RANBP3L: variants seen among roughly 807,000 people sequenced by gnomAD.
The protein encoded by RANBP3L is ran-binding protein 3-like.
Under a neutral mutation model 67.2 loss-of-function variants are expected in RANBP3L, and 56 were observed. That is an observed-to-expected ratio of 0.83 (90% CI 0.67 to 1.04). RANBP3L has a LOEUF of 1.04. Among genes scored for constraint, RANBP3L ranks in the 50% least tolerant of loss-of-function variants. The probability of loss-of-function intolerance (pLI) is 0.00; values close to 1 mark genes in which losing one functional copy is unlikely to be tolerated. For missense variants in RANBP3L, 496 were observed against 535.5 expected, an observed-to-expected ratio of 0.93 and a Z score of 0.73; for synonymous variants, 164 against 181.4, an observed-to-expected ratio of 0.90 and a Z score of 0.77.
At chr5:36,258,339 A>G (rs1749141252) in intron 8 of RANBP3L, among the ~76,000 whole-genome samples, 1 of 152,192 alleles carries the variant, frequency 6.6e-6, no homozygotes, top group African/African-American at 2.4e-5. Context: ...TTTTTCCCTT[A>G]TGAACTGAAA....
chr5:36,263,945 T>A (rs1343155658), intron 6 of RANBP3L, among the ~76,000 whole-genome samples: 1 of 152,256 alleles, frequency 6.6e-6, no homozygotes, highest in Non-Finnish European at 1.5e-5. Context: ...ACTTAAAAAT[T>A]ACTTATATAG....
At position 36,301,666 on chromosome 5, in the gene RANBP3L, T is replaced by C. The variant is rs148009965; in HGVS notation, c.-250A>G. The C allele has an allele frequency of 1.6e-4, 64 of 409,390 alleles. No individual in the cohort carries two copies. Among genetic ancestry groups the C allele is most frequent in the African/African-American group, 1.2e-3 (63 of 50,802 alleles). The allele number at this position is 409,390 out of a possible 1,614,324, so 25.4% of individuals were successfully genotyped here. On this transcript the variant is annotated 5_prime_UTR_variant, in exon 1 of 14. Transcript: ENST00000296604. The stretch of plus-strand genomic sequence containing the variant: ...AATTCATTTGGTTAAAAACACAACT[T>C]AATTCCTTCATTTCAAAACAAATTG...
chr5:36,273,370 G>T (rs2111926250), intron 1 of RANBP3L, among the ~76,000 whole-genome samples: 1 of 152,262 alleles, frequency 6.6e-6, no homozygotes, highest in African/African-American at 2.4e-5. Context: ...CTTGCAGCTT[G>T]GAGGGCATAT....
At chr5:36,257,757 A>G (rs1749095231) in intron 8 of RANBP3L, among the ~76,000 whole-genome samples, 2 of 152,112 alleles carry the variant, frequency 1.3e-5, no homozygotes, top group Admixed American at 6.6e-5. Flanking sequence ...ATCCTCAGAA[A>G]ACATAATCTA....
intron 3 of RANBP3L, 56 bp from the exon 4 acceptor site, chr5:36,269,523 A>G: frequency 4.9e-6 from 5 of 1,010,836 alleles, no homozygotes; most frequent in Non-Finnish European, 7.9e-6. Flanking sequence ...ATTATCCTCA[A>G]CTCATGATAG....
chr5:36,257,608 T>A, intron 8 of RANBP3L, 52 bp from the exon 9 acceptor site: 2 of 819,984 alleles, frequency 2.4e-6, no homozygotes, highest in Non-Finnish European at 3.9e-6. Flanking sequence ...TTTAATTTTA[T>A]CCCTACTATG....
intron 1 of RANBP3L, among the ~76,000 whole-genome samples, chr5:36,276,049 T>C (rs1302675458): frequency 1.3e-5 from 2 of 152,202 alleles, no homozygotes; most frequent in Non-Finnish European, 2.9e-5. Flanking sequence ...AGACTTCTTA[T>C]TGAATTATCC....
chr5:36,272,537 T>A (rs937258789), intron 1 of RANBP3L, among the ~76,000 whole-genome samples: 4 of 152,248 alleles, frequency 2.6e-5, no homozygotes, highest in African/African-American at 7.2e-5. Flanking sequence ...TCATAATGTC[T>A]GCAAACACCC....
At chr5:36,291,488 C>T (rs1338219747) in intron 1 of RANBP3L, among the ~76,000 whole-genome samples, 7 of 151,662 alleles carry the variant, frequency 4.6e-5, no homozygotes, top group Non-Finnish European at 8.8e-5. Flanking sequence ...CATGCTGGTG[C>T]GCTGCACCCA....
intron 1 of RANBP3L, among the ~76,000 whole-genome samples, chr5:36,286,406 A>G (rs976982160): frequency 1.3e-5 from 2 of 152,060 alleles, no homozygotes; most frequent in African/African-American, 2.4e-5. Context: ...CCTCTCCCTT[A>G]TCTCTCAATC....
At chr5:36,252,840 A>G (rs1267967202) in intron 12 of RANBP3L, among the ~76,000 whole-genome samples, 1 of 152,110 alleles carries the variant, frequency 6.6e-6, no homozygotes, top group Non-Finnish European at 1.5e-5. Flanking sequence ...TACACCTAAC[A>G]GTACACTTAC....
rs3086448 is a variant in RANBP3L at position 36,283,539 on chromosome 5, T to TACACACACAC, written c.92-12238_92-12229dup. Among the ~76,000 whole-genome samples the TACACACACAC allele has an allele frequency of 9.8e-3, 1,426 of 144,776 alleles. 21 individuals are homozygous for TACACACACAC. The highest frequency in any genetic ancestry group is 0.032 in the African/African-American group (1,237 of 39,252). 95.0% of individuals were successfully genotyped at this position (144,776 alleles called of 152,430 possible). On this transcript the variant is annotated intron_variant, in intron 1 of 13. Transcript: ENST00000296604. Reference sequence around the variant, plus strand: ...CTTGCCTATGCTCTGTATATAAAAATACACACACACACACACACACACACA... The same window carrying TACACACACAC: ...CTTGCCTATGCTCTGTATATAAAAATACACACACACACACACACACACACACACACACACA...
chr5:36,294,077 G>T (rs1384922711), intron 1 of RANBP3L, among the ~76,000 whole-genome samples: 1 of 152,140 alleles, frequency 6.6e-6, no homozygotes, highest in Non-Finnish European at 1.5e-5. Flanking sequence ...CACAATTTCA[G>T]ATCCTGTTAT....
intron 1 of RANBP3L, among the ~76,000 whole-genome samples, chr5:36,282,773 A>G (rs1751058421): frequency 6.6e-6 from 1 of 152,052 alleles, no homozygotes; most frequent in South Asian, 2.1e-4. Flanking sequence ...CCTGGTCCCC[A>G]TTCTCCTCTA....
rs769215193 is a variant in RANBP3L, at chr5:36,249,699, T to C, written c.1355-2A>G. 3 of 1,526,254 alleles carry C rather than the reference T, an allele frequency of 2.0e-6. No individual in the cohort carries two copies. The highest frequency in any genetic ancestry group is 2.7e-6 in the Non-Finnish European group (3 of 1,114,728). 94.5% of individuals were successfully genotyped at this position (1,526,254 alleles called of 1,614,324 possible). A position where few individuals can be genotyped will look rare whatever the true frequency, so the allele number is the denominator to read the frequency against. On this transcript the variant is annotated splice_acceptor_variant, in intron 13 of 13. Transcript: ENST00000296604. LOFTEE classifies it high-confidence loss of function. ...GTCTGTGAGTCCAACTAGAAGGATC[T>C]GTGATATAAATTTAAAATGTTTTAT...
chr5:36,297,644 A>AATTAACGT (rs1487168282), intron 1 of RANBP3L, among the ~76,000 whole-genome samples: 1 of 152,220 alleles, frequency 6.6e-6, no homozygotes, highest in African/African-American at 2.4e-5. Context: ...TAGACATGTA[A>AATTAACGT]ATTAACGTTT....
chr5:36,275,432 A>G (rs144926473), intron 1 of RANBP3L, among the ~76,000 whole-genome samples: 1 of 152,274 alleles, frequency 6.6e-6, no homozygotes, highest in Admixed American at 6.5e-5. Flanking sequence ...GTATTATCCT[A>G]TATGGCTCTA....
chr5:36,289,519 A>T (rs1365010171), intron 1 of RANBP3L, among the ~76,000 whole-genome samples: 1 of 152,144 alleles, frequency 6.6e-6, no homozygotes, highest in Non-Finnish European at 1.5e-5. Context: ...TGAGCATTCC[A>T]ATTCATGAAT....
intron 1 of RANBP3L, among the ~76,000 whole-genome samples, chr5:36,292,109 G>A (rs1751830462): frequency 2.0e-5 from 3 of 149,870 alleles, no homozygotes; most frequent in Non-Finnish European, 4.4e-5. Context: ...GGTGTGAGAT[G>A]ATATCTCATT....
Sources: allele counts gnomAD v4.1 joint callset (sites outside exome capture counted in the v4.1 genomes callset), GRCh38; gene constraint gnomAD v4.1.1; transcripts MANE v1.5; gene names NCBI Gene and HGNC (gene_info 2026-07-23, HGNC 2026-07-21).